ANK2: variants seen among roughly 807,000 people sequenced by gnomAD.
ANK2 encodes the protein ankyrin-2.
A neutral mutation model predicts 360.5 loss-of-function variants in ANK2; 83 were observed. The ratio of observed to expected loss-of-function variants is 0.23; its 90% CI spans 0.19 to 0.28. The LOEUF (loss-of-function observed/expected upper bound fraction) is 0.28. ANK2 is among the 10% of genes least tolerant of loss of function. The pLI is 1.00. For synonymous variants in ANK2, 1,740 were observed against 1,759.5 expected (o/e 0.99, Z 0.28); for missense variants, 4,201 against 4,795.7 (o/e 0.88, Z 3.66).
At chr4:113,170,249 A>G (rs1028518879) in intron 1 of ANK2, among the ~76,000 whole-genome samples, 3 of 152,210 alleles carry the variant, frequency 2.0e-5, no homozygotes, top group African/African-American at 7.2e-5. Context: ...TATTACACTC[A>G]CTGCTAATGG....
chr4:112,721,250 G>T, the ANK2 span, among the ~76,000 whole-genome samples: 3 of 152,168 alleles, frequency 2.0e-5, no homozygotes, highest in Middle Eastern at 3.4e-3. Context: ...TAAAAGTTTG[G>T]CTGCCCTAGC....
At chr4:112,831,847 G>A (rs184251508) in intron 1 of ANK2, among the ~76,000 whole-genome samples, 4 of 151,880 alleles carry the variant, frequency 2.6e-5, no homozygotes, top group Non-Finnish European at 4.4e-5. Flanking sequence ...AATTCCGGAC[G>A]TGCCACCTTT....
At position 113,356,144 on chromosome 4, in the gene ANK2, T is replaced by C; in HGVS notation, c.7526T>C (p.Leu2509Pro). 1 of 1,614,076 alleles carries C rather than the reference T, an allele frequency of 6.2e-7. No individual in the cohort carries two copies. Residue 2509 changes from leucine to proline, a missense_variant, in exon 38 of 46, where the codon CTA becomes CCA. Leu to Pro is a moderately conservative substitution (Grantham distance 98). Around this residue, in one of 4 missense-constraint regions of ANK2, gnomAD observed 2,642 missense variants for 2,714.5 expected, o/e 0.97. Transcript: ENST00000357077. ...LTEVASVRSR[L>P]LRDPDGSAED... ...GAAGTGGCCTCTGTGCGGTCCCGGC[T>C]ACTCCGAGACCCTGATGGCAGTGCT...
rs181083043 is a variant in ANK2 at position 112,960,228 on chromosome 4, T to A, written c.21+55714T>A. ...GTGCCATTAGGCTGGAGGACCTGCA[T>A]ATATTCATATATTGTCCACAACCTT... On this transcript the variant is annotated intron_variant, in intron 2 of 30. Transcript: ENST00000503271. Among the ~76,000 whole-genome samples the A allele has an allele frequency of 2.1e-4, 32 of 152,286 alleles. No homozygotes were observed. The East Asian group carries it at 6.0e-3, about 28-fold the overall frequency.
intron 2 of ANK2, among the ~76,000 whole-genome samples, chr4:113,032,912 A>C (rs1019358493): frequency 2.0e-5 from 3 of 152,012 alleles, no homozygotes; most frequent in Admixed American, 6.6e-5. Context: ...GAGTTTTTCT[A>C]GAGAAATCCG....
intron 4 of ANK2, among the ~76,000 whole-genome samples, chr4:113,222,877 A>G (rs997053681): frequency 2.0e-5 from 3 of 152,228 alleles, no homozygotes; most frequent in South Asian, 2.1e-4. Context: ...AAGAATTGTC[A>G]ACTTCAGATT....
intron 2 of ANK2, among the ~76,000 whole-genome samples, chr4:112,977,640 G>A (rs987674323): frequency 1.2e-4 from 16 of 129,848 alleles, no homozygotes; most frequent in South Asian, 7.9e-4. Context: ...AGGTATACAC[G>A]TCCATGGTGG....
intron 1 of ANK2, among the ~76,000 whole-genome samples, chr4:112,874,642 CAAAA>C (rs1160396405): frequency 0.013 from 1,071 of 79,580 alleles, 8 homozygotes; most frequent in African/African-American, 0.035. Context: ...GACGCCATCT[CAAAA>C]AAAAAAAAAA....
At chr4:113,350,927 A>T (rs1054615808) in intron 37 of ANK2, 1 of 152,214 alleles carries the variant, frequency 6.6e-6, no homozygotes, top group African/African-American at 2.4e-5. Flanking sequence ...GCATGTTATT[A>T]TAGGGTTAAT....
rs760074450 is a variant in ANK2 at position 113,373,350 on chromosome 4, G to T, written c.11760G>T (p.Val3920=). The T allele has an allele frequency of 3.7e-6, 6 of 1,614,046 alleles. No individual in the cohort carries two copies. Among genetic ancestry groups the T allele is most frequent in the Middle Eastern group, 3.3e-4 (2 of 6,084 alleles). The change falls in exon 45 of 46, where the codon GTG becomes GTT. Residue 3920 remains valine (V), a synonymous_variant. Transcript: ENST00000357077. The part of the protein sequence containing the change: ...SEGTEKEEIM[V]QGMPQEPVNI... Reference sequence around the variant, plus strand: ...GCACAGAGAAAGAAGAGATTATGGTGCAGGGAATGCCACAGGAACCTGTCA... The same window carrying T: ...GCACAGAGAAAGAAGAGATTATGGTTCAGGGAATGCCACAGGAACCTGTCA...
chr4:113,307,702 C>T (rs553932908), intron 23 of ANK2, among the ~76,000 whole-genome samples: 33 of 152,254 alleles, frequency 2.2e-4, no homozygotes, highest in African/African-American at 7.5e-4. Flanking sequence ...CACGCCCGGC[C>T]GCCGTTCCAC....
At position 113,357,697 on chromosome 4, in the gene ANK2, G is replaced by T. The variant is rs1333513734; in HGVS notation, c.9079G>T (p.Gly3027Cys). 4 of 1,614,006 alleles carry T rather than the reference G, an allele frequency of 2.5e-6. No individual in the cohort carries two copies. Among genetic ancestry groups the T allele is most frequent in the Non-Finnish European group, 2.5e-6 (3 of 1,179,996 alleles). ...PTMSATTTVV[G>C]EQISKVIITK... Reference sequence around the variant, plus strand: ...TATGTCCGCTACAACAACAGTTGTTGGTGAACAAATAAGCAAAGTCATCAT... The same window carrying T: ...TATGTCCGCTACAACAACAGTTGTTTGTGAACAAATAAGCAAAGTCATCAT... Residue 3027 changes from glycine to cysteine, a missense_variant, in exon 38 of 46, where the codon GGT (glycine) becomes TGT (cysteine). Physicochemically the swap from Gly to Cys is radical, Grantham distance 159 (BLOSUM62 -3). This residue lies in a region of ANK2 where 2,642 missense variants were observed against 2,714.5 expected (regional missense o/e 0.97). Coordinates refer to ENST00000357077, the MANE Select transcript of ANK2 (RefSeq NM_001148.6).
intron 2 of ANK2, among the ~76,000 whole-genome samples, chr4:113,192,885 A>G (rs571395312): frequency 1.3e-5 from 2 of 150,210 alleles, no homozygotes; most frequent in South Asian, 2.1e-4. Context: ...GCACTACCAT[A>G]TTCAGTGTCA....
chr4:112,775,232 G>A, the ANK2 span, among the ~76,000 whole-genome samples: 4 of 152,134 alleles, frequency 2.6e-5, no homozygotes, highest in Middle Eastern at 3.2e-3. Context: ...TAATTCCTAA[G>A]ATTTCACCAA....
intron 17 of ANK2, among the ~76,000 whole-genome samples, chr4:113,280,971 C>G (rs1463327357): frequency 2.0e-5 from 3 of 152,102 alleles, no homozygotes; most frequent in Admixed American, 2.0e-4. Flanking sequence ...AGTCTATGGA[C>G]ACAAATACAG....
At chr4:113,040,234 T>A (rs1299092172) in intron 2 of ANK2, among the ~76,000 whole-genome samples, 3 of 152,092 alleles carry the variant, frequency 2.0e-5, no homozygotes, top group Non-Finnish European at 4.4e-5. Flanking sequence ...ATTTTGTTAT[T>A]CTTCAGTGAA....
chr4:113,317,613 C>T (rs954035534), intron 24 of ANK2, 94 bp from the exon 25 acceptor site: 12 of 943,186 alleles, frequency 1.3e-5, no homozygotes, highest in East Asian at 7.4e-5. Context: ...GCTAATAGCA[C>T]GCTTTTTTCA....
chr4:112,926,097 T>A (rs1404122245), intron 2 of ANK2, among the ~76,000 whole-genome samples: 1 of 152,208 alleles, frequency 6.6e-6, no homozygotes, highest in Non-Finnish European at 1.5e-5. Flanking sequence ...CTGGAGAATC[T>A]GATTCAGTAG....
chr4:112,810,182 T>TG, the ANK2 span, among the ~76,000 whole-genome samples: 9 of 111,786 alleles, frequency 8.1e-5, no homozygotes, highest in African/African-American at 3.0e-4. Context: ...TTTTTTTTTT[T>TG]GTAGCAATGG....
Sources: gnomAD v4.1 joint callset for allele counts (sites outside exome capture counted in the v4.1 genomes callset) on GRCh38, gnomAD v4.1.1 for gene constraint, gnomAD v4.1.1 regional missense constraint, MANE v1.5 for transcripts, NCBI Gene and HGNC (gene_info 2026-07-23, HGNC 2026-07-21) for gene names.